MKX: variants seen among roughly 807,000 people sequenced by gnomAD.
MKX encodes homeobox protein Mohawk.
A neutral mutation model predicts 36.0 loss-of-function variants in MKX; 13 were observed. The ratio of observed to expected loss-of-function variants is 0.36; its 90% CI spans 0.24 to 0.57. The LOEUF (loss-of-function observed/expected upper bound fraction) is 0.57. Ranked by LOEUF, MKX falls within the 20% of genes least tolerant of loss-of-function variation. MKX has a pLI of 0.79. For missense variants in MKX, 458 were observed against 456.4 expected, an observed-to-expected ratio of 1.00 and a Z score of -0.03; for synonymous variants, 176 against 178.3, an observed-to-expected ratio of 0.99 and a Z score of 0.10.
Position 27,680,188 on chromosome 10 carries a change from C to A in MKX, c.839-4634G>T, listed in dbSNP as rs546042846. On this transcript the variant is annotated intron_variant, in intron 5 of 6. Transcript: ENST00000419761. Reference sequence around the variant, plus strand: ...TGCCCCACATTTGGCTCGGCTATATCTCTTACTCTGCAAGTAGCTTGGCTC... The same window carrying A: ...TGCCCCACATTTGGCTCGGCTATATATCTTACTCTGCAAGTAGCTTGGCTC... Among the ~76,000 whole-genome samples, 7 of 152,252 alleles carry A rather than the reference C, an allele frequency of 4.6e-5. No homozygotes were observed. The South Asian group carries it at 8.3e-4, about 18-fold the overall frequency.
At chr10:27,740,196 T>C (rs1324661568) in intron 3 of MKX, among the ~76,000 whole-genome samples, 2 of 152,212 alleles carry the variant, frequency 1.3e-5, no homozygotes, top group Non-Finnish European at 2.9e-5. Context: ...TAAAGGGAAA[T>C]TTTAAATACT....
At position 27,696,825 on chromosome 10, in the gene MKX, A is replaced by G. The variant is rs140659378; in HGVS notation, c.839-21271T>C. Among the ~76,000 whole-genome samples the G allele has an allele frequency of 3.3e-3, 509 of 152,276 alleles. 4 individuals are homozygous for G. Among genetic ancestry groups the G allele is most frequent in the African/African-American group, 0.012 (492 of 41,550 alleles). On this transcript the variant is annotated intron_variant, in intron 5 of 6. Coordinates refer to ENST00000419761, the MANE Select transcript of MKX (RefSeq NM_173576.3). Reference sequence around the variant, plus strand: ...GTTTTACTCTTAATGGCTTGGAGACAAGTTTTAAATGTAAAGGTTCTTACT... The same window carrying G: ...GTTTTACTCTTAATGGCTTGGAGACGAGTTTTAAATGTAAAGGTTCTTACT...
intron 5 of MKX, among the ~76,000 whole-genome samples, chr10:27,682,289 CT>C (rs1836267897): frequency 6.6e-6 from 1 of 152,096 alleles, no homozygotes; most frequent in Non-Finnish European, 1.5e-5. Flanking sequence ...AGAGTCAAAA[CT>C]TTTTTTAAAA....
chr10:27,692,496 T>G (rs1176073098), intron 5 of MKX, among the ~76,000 whole-genome samples: 1 of 152,222 alleles, frequency 6.6e-6, no homozygotes, highest in African/African-American at 2.4e-5. Context: ...TTATGAGATC[T>G]GTGTTTTCTG....
chr10:27,690,545 C>T (rs1010950138), intron 5 of MKX, among the ~76,000 whole-genome samples: 7 of 152,188 alleles, frequency 4.6e-5, no homozygotes, highest in Admixed American at 3.3e-4. Flanking sequence ...AAGTTATTTA[C>T]ACACACTATA....
At chr10:27,730,979 A>G (rs1834613407) in intron 5 of MKX, among the ~76,000 whole-genome samples, 1 of 151,626 alleles carries the variant, frequency 6.6e-6, no homozygotes, top group South Asian at 2.1e-4. Flanking sequence ...CTAAAAATAC[A>G]AAAAATTAGC....
In MKX at chr10:27,704,167, A is replaced by C. The variant is rs75977499; in HGVS notation, c.839-28613T>G. Among the ~76,000 whole-genome samples the C allele has an allele frequency of 7.5e-3, 1,149 of 152,328 alleles. 14 individuals carry two copies. The highest frequency in any genetic ancestry group is 0.026 in the African/African-American group (1,077 of 41,580). Reference sequence around the variant, plus strand: ...AAGAAGTGTTCAAGGCCAATTTAGAACATCTTAAAACACTGTTAAAAGTGA... The same window carrying C: ...AAGAAGTGTTCAAGGCCAATTTAGACCATCTTAAAACACTGTTAAAAGTGA... On this transcript the variant is annotated intron_variant, in intron 5 of 6. Coordinates refer to ENST00000419761, the MANE Select transcript of MKX (RefSeq NM_173576.3).
At chr10:27,707,920 C>T (rs1293145851) in intron 5 of MKX, among the ~76,000 whole-genome samples, 1 of 152,170 alleles carries the variant, frequency 6.6e-6, no homozygotes, top group Non-Finnish European at 1.5e-5. Context: ...TAATGTCACA[C>T]AAGTGTAGAT....
chr10:27,703,053 G>A (rs995938629), intron 5 of MKX, among the ~76,000 whole-genome samples: 2 of 152,070 alleles, frequency 1.3e-5, no homozygotes, highest in Non-Finnish European at 2.9e-5. Flanking sequence ...TTTGCTCATC[G>A]TTCAAAAAAC....
chr10:27,696,906 A>T (rs2132519264), intron 5 of MKX, among the ~76,000 whole-genome samples: 1 of 152,296 alleles, frequency 6.6e-6, no homozygotes, highest in African/African-American at 2.4e-5. Context: ...CCCAATTTTT[A>T]AAAGCTACTT....
intron 5 of MKX, among the ~76,000 whole-genome samples, chr10:27,677,725 GT>G (rs1457305687): frequency 6.6e-6 from 1 of 152,180 alleles, no homozygotes; most frequent in Non-Finnish European, 1.5e-5. Flanking sequence ...AAATGGCAAG[GT>G]TGTTGTGAAG....
intron 5 of MKX, among the ~76,000 whole-genome samples, chr10:27,686,388 G>A (rs1836349738): frequency 7.9e-6 from 1 of 125,940 alleles, no homozygotes; most frequent in African/African-American, 3.1e-5. Context: ...GAAGGGAAGG[G>A]AAGGGAAAGG....
In MKX at chr10:27,744,728, A is replaced by C. The variant is rs1835011204; in HGVS notation, c.-83+979T>G. The C allele has an allele frequency of 6.5e-6, 1 of 152,944 alleles. No homozygotes were observed. The highest frequency in any genetic ancestry group is 6.6e-5 in the Admixed American group (1 of 15,252). The allele number at this position is 152,944 out of a possible 1,614,324, so 9.5% of individuals were successfully genotyped here. A position where few individuals can be genotyped will look rare whatever the true frequency, so the allele number is the denominator to read the frequency against. On this transcript the variant is annotated intron_variant, in intron 1 of 6. Transcript: ENST00000419761. The surrounding 1 kb of genome is among the most constrained non-coding windows in gnomAD (Gnocchi z 5.6). Reference sequence around the variant, plus strand: ...CGCGCGCATACACACACACACACACACACACACACACACACACCCTTTGCC... The same window carrying C: ...CGCGCGCATACACACACACACACACCCACACACACACACACACCCTTTGCC...
intron 2 of MKX, 141 bp downstream of exon 2, chr10:27,743,086 TG>T: frequency 1.4e-6 from 1 of 726,774 alleles, no homozygotes; most frequent in Non-Finnish European, 2.0e-6. Flanking sequence ...GCGCGAGCCC[TG>T]GAGGGGCAGA....
intron 5 of MKX, among the ~76,000 whole-genome samples, chr10:27,709,793 G>A (rs536148332): frequency 5.9e-4 from 90 of 152,266 alleles, no homozygotes; most frequent in Admixed American, 1.7e-3. Context: ...GGGAAGCCCC[G>A]TGACTCTAAG....
At position 27,673,137 on chromosome 10, in the gene MKX, A is replaced by G. The variant is rs1185902699; in HGVS notation, c.*2092T>C. 1 of 152,184 alleles carries G rather than the reference A, an allele frequency of 6.6e-6. No individual in the cohort carries two copies. The highest frequency in any genetic ancestry group is 1.5e-5 in the Non-Finnish European group (1 of 68,020). 9.4% of individuals were successfully genotyped at this position (152,184 alleles called of 1,614,324 possible). A position where few individuals can be genotyped will look rare whatever the true frequency, so the allele number is the denominator to read the frequency against. On this transcript the variant is annotated 3_prime_UTR_variant, in exon 7 of 7. Transcript: ENST00000419761. Reference sequence around the variant, plus strand: ...AAAAGTCATTGCAATTGGAGATATTACCAAGGATGTGCTTACTATAAAGTC... The same window carrying G: ...AAAAGTCATTGCAATTGGAGATATTGCCAAGGATGTGCTTACTATAAAGTC...
intron 4 of MKX, 96 bp downstream of exon 4, chr10:27,735,125 C>A (rs921234546): frequency 3.1e-5 from 36 of 1,172,304 alleles, no homozygotes; most frequent in Non-Finnish European, 3.5e-5. Context: ...GTTAAGGCAC[C>A]ATCATATTTT....
intron 5 of MKX, among the ~76,000 whole-genome samples, chr10:27,689,656 A>C (rs1202438993): frequency 6.6e-6 from 1 of 152,156 alleles, no homozygotes; most frequent in African/African-American, 2.4e-5. Context: ...GAGCACCCCT[A>C]GTCTAGCAGT....
Position 27,674,443 on chromosome 10 carries a change from G to C in MKX, c.*786C>G, listed in dbSNP as rs1836104145. 6.6e-6 allele frequency: 1 copy of C among 152,464 alleles called. No individual in the cohort carries two copies. The highest frequency in any genetic ancestry group is 2.4e-5 in the African/African-American group (1 of 41,412). 9.4% of individuals were successfully genotyped at this position (152,464 alleles called of 1,614,324 possible). A position where few individuals can be genotyped will look rare whatever the true frequency, so the allele number is the denominator to read the frequency against. On this transcript the variant is annotated 3_prime_UTR_variant, in exon 7 of 7. Coordinates refer to ENST00000419761, the MANE Select transcript of MKX (RefSeq NM_173576.3). ...GTTTAGTTTTACACAGGAAAATTTT[G>C]AGTTATTTGTATAATAAAGTTTTTT... is the stretch of plus-strand genomic sequence containing the variant.
Sources: gnomAD v4.1 joint callset for allele counts (sites outside exome capture counted in the v4.1 genomes callset) on GRCh38, gnomAD v4.1.1 for gene constraint, Gnocchi (gnomAD v3.1) non-coding constraint, MANE v1.5 for transcripts, NCBI Gene and HGNC (gene_info 2026-07-23, HGNC 2026-07-21) for gene names.